CR2: variants seen among roughly 807,000 people sequenced by gnomAD.
The protein encoded by CR2 is complement C3d receptor 2.
A neutral mutation model predicts 123.0 loss-of-function variants in CR2; 96 were observed. The ratio of observed to expected loss-of-function variants is 0.78; its 90% confidence interval spans 0.66 to 0.93. The LOEUF is 0.93. CR2 is among the 40% of genes least tolerant of loss of function. CR2 has a pLI of 0.00. For synonymous variants in CR2, 484 were observed against 469.5 expected (o/e 1.03, Z -0.40); for missense variants, 1,258 against 1,361.0 (o/e 0.92, Z 1.19).
chr1:207,487,323 G>C (rs886905790), intron 19 of CR2, among the ~76,000 whole-genome samples: 4 of 152,142 alleles, frequency 2.6e-5, no homozygotes, highest in Admixed American at 2.0e-4. Context: ...GTCTCACTCT[G>C]TCGCCCAGGC....
Position 207,454,529 on chromosome 1 carries a change from T to C in CR2, c.58+53T>C, listed in dbSNP as rs368839023. On this transcript the variant is annotated intron_variant, in intron 1 of 19. Transcript: ENST00000367057. The surrounding 1 kb of genome is among the most constrained non-coding windows in gnomAD (Gnocchi z 4.3). Reference sequence around the variant, plus strand: ...GGGGACGCGTCCCGGGCAGGGAAAGTTTCTGTGCCGCGATGCAAAGCAGGG... The same window carrying C: ...GGGGACGCGTCCCGGGCAGGGAAAGCTTCTGTGCCGCGATGCAAAGCAGGG... 2.0e-3 allele frequency: 2,708 copies of C among 1,365,158 alleles called. 24 individuals are homozygous for C. Among genetic ancestry groups the C allele is most frequent in the African/African-American group, 0.013 (869 of 68,740 alleles). 84.6% of individuals were successfully genotyped at this position (1,365,158 alleles called of 1,614,324 possible). A position where few individuals can be genotyped will look rare whatever the true frequency, so the allele number is the denominator to read the frequency against.
At chr1:207,464,095 A>T (rs1658030206) in intron 1 of CR2, among the ~76,000 whole-genome samples, 1 of 152,192 alleles carries the variant, frequency 6.6e-6, no homozygotes, top group African/African-American at 2.4e-5. Flanking sequence ...CACACTGCCA[A>T]CTTTATTCCA....
At chr1:207,487,928 A>C (rs965265717) in intron 19 of CR2, among the ~76,000 whole-genome samples, 1 of 152,192 alleles carries the variant, frequency 6.6e-6, no homozygotes, top group Non-Finnish European at 1.5e-5. Flanking sequence ...CAGTGAATAG[A>C]AAGCAAATTA....
At chr1:207,463,055 A>G (rs1658004917) in intron 1 of CR2, among the ~76,000 whole-genome samples, 1 of 152,196 alleles carries the variant, frequency 6.6e-6, no homozygotes, top group African/African-American at 2.4e-5. Context: ...GAGATTTAAT[A>G]TAAAACACAA....
intron 15 of CR2, among the ~76,000 whole-genome samples, 160 bp from the exon 16 acceptor site, chr1:207,477,725 G>C (rs528011708): frequency 6.6e-6 from 1 of 152,314 alleles, no homozygotes; most frequent in South Asian, 2.1e-4. Flanking sequence ...GACAGTAAAA[G>C]ATTGTGTCTA....
intron 18 of CR2, among the ~76,000 whole-genome samples, chr1:207,483,437 A>G (rs1658659286): frequency 6.6e-6 from 1 of 152,110 alleles, no homozygotes; most frequent in Non-Finnish European, 1.5e-5. Flanking sequence ...CTGTACAGTT[A>G]GCGTGTACTT....
chr1:207,471,319 A>G (rs1658272955), intron 8 of CR2, 104 bp from the exon 9 acceptor site: 4 of 999,038 alleles, frequency 4.0e-6, no homozygotes, highest in Non-Finnish European at 4.8e-6. Context: ...TTTTGTTGCT[A>G]TTGCTTCTTG....
rs1658327020 is a variant in CR2, at chr1:207,472,965, C to T, written c.1764C>T (p.Gly588=). The T allele has an allele frequency of 1.9e-6, 3 of 1,613,870 alleles. No individual in the cohort carries two copies. Among genetic ancestry groups the T allele is most frequent in the South Asian group, 1.1e-5 (1 of 91,084 alleles). Residue 588 remains glycine, a synonymous_variant, in exon 10 of 20, where the codon GGC becomes GGT. Coordinates refer to ENST00000367057, the MANE Select transcript of CR2 (RefSeq NM_001006658.3). ...SNDQERGTWS[G]PAPLCKLSLL... Reference sequence around the variant, plus strand: ...ATCAAGAAAGAGGCACCTGGAGTGGCCCTGCTCCCCTGTGTAAACTTTCCC... The same window carrying T: ...ATCAAGAAAGAGGCACCTGGAGTGGTCCTGCTCCCCTGTGTAAACTTTCCC...
Position 207,475,119 on chromosome 1 carries a change from T to G in CR2, c.2619T>G (p.Val873=). The change falls in exon 14 of 20, where the codon GTT becomes GTG. Residue 873 remains valine, a synonymous_variant. Transcript: ENST00000367057. ...ATTCCCACAATGACATAGTGTATGTTGACTGCAATCCTGGCTTCATCATGA... is the reference window on the plus strand; with the variant it reads ...ATTCCCACAATGACATAGTGTATGTGGACTGCAATCCTGGCTTCATCATGA... ...SAYSHNDIVY[V]DCNPGFIMNG... 6.2e-7 allele frequency: 1 copy of G among 1,612,778 alleles called. No homozygotes were observed. Among genetic ancestry groups the G allele is most frequent in the Non-Finnish European group, 8.5e-7 (1 of 1,179,326 alleles).
chr1:207,474,761 T>A, intron 13 of CR2, 63 bp from the exon 14 acceptor site: 1 of 1,558,000 alleles, frequency 6.4e-7, no homozygotes, highest in Non-Finnish European at 8.8e-7. Context: ...CATTTGTACC[T>A]GAATGAAGAC....
Position 207,473,904 on chromosome 1 carries a change from A to G in CR2, c.2240+19A>G, listed in dbSNP as rs140933861. On this transcript the variant is annotated intron_variant, in intron 12 of 19. Transcript: ENST00000367057. ...AAGATGGGTGAGTATGAAGTGGTCT[A>G]TTCTGAGAAAAGGTCTCAACCTTGT... The G allele has an allele frequency of 2.6e-3, 4,213 of 1,610,052 alleles. 38 individuals carry two copies. Among genetic ancestry groups the G allele is most frequent in the Non-Finnish European group, 2.7e-3 (3,163 of 1,176,840 alleles).
intron 2 of CR2, among the ~76,000 whole-genome samples, chr1:207,467,935 G>A (rs1032120398): frequency 6.6e-6 from 1 of 152,126 alleles, no homozygotes; most frequent in East Asian, 1.9e-4. Flanking sequence ...ATATCTACCA[G>A]GATAGCCCTT....
rs1439587429 is a variant in CR2 at position 207,467,049 on chromosome 1, G to C, written c.445+137G>C. The stretch of plus-strand genomic sequence containing the variant: ...GGAAGAAGGAAACAAGGGAAAAGGT[G>C]AAAGTTATGGCTTCTTCGTGGAGGC... On this transcript the variant is annotated intron_variant, in intron 2 of 19. Transcript: ENST00000367057. The C allele has an allele frequency of 2.7e-6, 3 of 1,093,776 alleles. No individual in the cohort carries two copies. In the African/African-American group the frequency reaches 4.7e-5, roughly 17 times the overall value. 67.8% of individuals were successfully genotyped at this position (1,093,776 alleles called of 1,614,324 possible).
chr1:207,488,438 A>T (rs1658806063), intron 19 of CR2, among the ~76,000 whole-genome samples: 1 of 152,220 alleles, frequency 6.6e-6, no homozygotes, highest in African/African-American at 2.4e-5. Flanking sequence ...ATCTTGGCCA[A>T]CATGGTGAAA....
chr1:207,469,330 A>G, intron 5 of CR2, 98 bp downstream of exon 5: 1 of 940,396 alleles, frequency 1.1e-6, no homozygotes. Flanking sequence ...TGAACACAGA[A>G]CTCCTAGAGA....
intron 8 of CR2, 135 bp from the exon 9 acceptor site, chr1:207,471,288 T>C: frequency 1.1e-6 from 1 of 894,668 alleles, no homozygotes; most frequent in Admixed American, 1.7e-5. Flanking sequence ...AATGAGAAGT[T>C]GGTGCTGATG....
At chr1:207,474,554 G>T (rs187242255) in intron 13 of CR2, among the ~76,000 whole-genome samples, 16 of 152,120 alleles carry the variant, frequency 1.1e-4, no homozygotes, top group African/African-American at 3.9e-4. Flanking sequence ...AAAATATATA[G>T]CCCATATTCC....
Position 207,466,508 on chromosome 1 carries a change from T to C in CR2, c.59-18T>C, listed in dbSNP as rs1572950661. ...ACCATGATCAGTATGCCTACCAAGT[T>C]CCTTTTCTACTTTTCAGGGATTTCT... On this transcript the variant is annotated intron_variant, in intron 1 of 19. Transcript: ENST00000367057. 6.2e-7 allele frequency: 1 copy of C among 1,613,970 alleles called. No individual in the cohort carries two copies.
Position 207,474,319 on chromosome 1 carries a change from T to C in CR2, c.2319T>C (p.Cys773=). 6.2e-7 allele frequency: 1 copy of C among 1,607,190 alleles called. No homozygotes were observed. The highest frequency in any genetic ancestry group is 8.5e-7 in the Non-Finnish European group (1 of 1,173,902). The change falls in exon 13 of 20, where the codon TGT becomes TGC. Residue 773 remains cysteine (C), a synonymous_variant. Transcript: ENST00000367057. ...NGIWFKKIPL[C]KVIHCHPPPV... is the part of the protein sequence containing the mutation. ...TTTGGTTCAAAAAGATTCCACTTTG[T>C]AAAGGTAAGTTAGAAAAAATAAAAG...
Sources: gnomAD v4.1 joint callset for allele counts (sites outside exome capture counted in the v4.1 genomes callset) on GRCh38, gnomAD v4.1.1 for gene constraint, Gnocchi (gnomAD v3.1) non-coding constraint, MANE v1.5 for transcripts, NCBI Gene and HGNC (gene_info 2026-07-23, HGNC 2026-07-21) for gene names.